Variants in RETREG1 observed in about 807,000 individuals in gnomAD.
RETREG1 encodes the protein family with sequence similarity 134 member B.
A neutral mutation model predicts 54.8 loss-of-function variants in RETREG1; 44 were observed. The observed-to-expected ratio is 0.80, with a 90% CI of 0.63 to 1.03. The LOEUF is 1.03. Ranked by LOEUF, RETREG1 falls within the 50% of genes least tolerant of loss-of-function variation. RETREG1 has a pLI of 0.00. For missense variants in RETREG1, 554 were observed against 605.1 expected (o/e 0.92, Z 0.89); for synonymous variants, 217 against 238.5 (o/e 0.91, Z 0.83).
intron 3 of RETREG1, among the ~76,000 whole-genome samples, chr5:16,490,935 C>G (rs562357356): frequency 2.0e-5 from 3 of 152,190 alleles, no homozygotes; most frequent in African/African-American, 7.2e-5. Context: ...ACTCCTTGGT[C>G]CTAAGGCATC....
At chr5:16,485,640 C>T (rs959011584) in intron 3 of RETREG1, among the ~76,000 whole-genome samples, 8 of 152,248 alleles carry the variant, frequency 5.3e-5, no homozygotes, top group Admixed American at 1.3e-4. Flanking sequence ...TAGTATAATA[C>T]TAAATTGTCA....
intron 3 of RETREG1, among the ~76,000 whole-genome samples, chr5:16,529,829 C>T (rs1371551798): frequency 6.6e-6 from 1 of 152,110 alleles, no homozygotes; most frequent in African/African-American, 2.4e-5. Context: ...ACATAAGTAC[C>T]ACGCTCAGGC....
intron 1 of RETREG1, among the ~76,000 whole-genome samples, chr5:16,590,245 C>T (rs945967673): frequency 1.4e-4 from 21 of 152,192 alleles, no homozygotes; most frequent in Non-Finnish European, 2.4e-4. Context: ...GCCCCTCACA[C>T]TCACAGGTCA....
intron 3 of RETREG1, among the ~76,000 whole-genome samples, chr5:16,523,351 G>A (rs1395526104): frequency 6.6e-6 from 1 of 152,132 alleles, no homozygotes; most frequent in Non-Finnish European, 1.5e-5. Flanking sequence ...TGGTCTATGA[G>A]AATGGCCTGG....
chr5:16,480,592 G>T (rs1738725233), intron 5 of RETREG1, among the ~76,000 whole-genome samples: 1 of 152,064 alleles, frequency 6.6e-6, no homozygotes, highest in Non-Finnish European at 1.5e-5. Context: ...CACTTGCTCT[G>T]CATCCCTCCT....
At chr5:16,526,464 G>A (rs1048670541) in intron 3 of RETREG1, among the ~76,000 whole-genome samples, 1 of 152,200 alleles carries the variant, frequency 6.6e-6, no homozygotes, top group Non-Finnish European at 1.5e-5. Context: ...CATTACATGG[G>A]AAAAGGTGGA....
chr5:16,551,729 T>C (rs1741547289), intron 3 of RETREG1, among the ~76,000 whole-genome samples: 1 of 152,200 alleles, frequency 6.6e-6, no homozygotes, highest in Admixed American at 6.5e-5. Flanking sequence ...ATTAGTTTCC[T>C]ATTCCTGCTG....
At chr5:16,519,807 T>C (rs1018187449) in intron 3 of RETREG1, among the ~76,000 whole-genome samples, 1 of 152,194 alleles carries the variant, frequency 6.6e-6, no homozygotes, top group Non-Finnish European at 1.5e-5. Flanking sequence ...AGGCCACAAA[T>C]TGTAAGGTCA....
At chr5:16,609,507 T>A (rs1743281979) in intron 1 of RETREG1, among the ~76,000 whole-genome samples, 1 of 152,140 alleles carries the variant, frequency 6.6e-6, no homozygotes. Context: ...TCAACTGTAG[T>A]AAAGAAATTC....
At chr5:16,558,104 G>A (rs1354718213) in intron 3 of RETREG1, among the ~76,000 whole-genome samples, 2 of 152,050 alleles carry the variant, frequency 1.3e-5, no homozygotes, top group Admixed American at 1.3e-4. Context: ...AAAAATAAAA[G>A]TGAGTTGGAG....
chr5:16,509,211 G>T, intron 3 of RETREG1: 1 of 179,780 alleles, frequency 5.6e-6, no homozygotes, highest in Non-Finnish European at 1.1e-5. Context: ...TTTGTTTGGA[G>T]AACGCCTAGC....
rs918125891 is a variant in RETREG1 at position 16,495,902 on chromosome 5, G to A, written c.459-12430C>T. Among the ~76,000 whole-genome samples, 6 of 152,104 alleles carry A rather than the reference G, an allele frequency of 3.9e-5. No individual in the cohort carries two copies. In the South Asian group the frequency reaches 8.3e-4, roughly 21 times the overall value. On this transcript the variant is annotated intron_variant, in intron 3 of 8. Transcript: ENST00000306320. ...CTAGCAGTCCACCCCTGTGGTATTC[G>A]ATTCAATCCAATAAATCTTCACTTA... is the stretch of plus-strand genomic sequence containing the variant.
intron 1 of RETREG1, among the ~76,000 whole-genome samples, chr5:16,581,837 A>G (rs1579705802): frequency 6.6e-6 from 1 of 152,140 alleles, no homozygotes; most frequent in South Asian, 2.1e-4. Context: ...CTTTTAAAAT[A>G]TTTTATTTTA....
intron 3 of RETREG1, among the ~76,000 whole-genome samples, chr5:16,565,449 C>T (rs1175877807): frequency 1.3e-5 from 2 of 152,140 alleles, no homozygotes; most frequent in African/African-American, 4.8e-5. Flanking sequence ...TTGTTCACAT[C>T]CCAAAAATGA....
intron 3 of RETREG1, among the ~76,000 whole-genome samples, chr5:16,532,238 T>G (rs1740937510): frequency 1.3e-5 from 2 of 152,166 alleles, no homozygotes; most frequent in Non-Finnish European, 2.9e-5. Context: ...TTCAAAAAGT[T>G]TTCCTGGGCT....
chr5:16,571,968 C>A, intron 2 of RETREG1, 28 bp downstream of exon 2: 1 of 1,514,304 alleles, frequency 6.6e-7, no homozygotes, highest in East Asian at 2.3e-5. Flanking sequence ...AATTAAATAC[C>A]ATATAAATAA....
At chr5:16,587,433 G>C (rs909150339) in intron 1 of RETREG1, among the ~76,000 whole-genome samples, 1 of 152,128 alleles carries the variant, frequency 6.6e-6, no homozygotes, top group Non-Finnish European at 1.5e-5. Flanking sequence ...AGAGTCCACC[G>C]CTCCATTTAA....
chr5:16,587,263 C>T (rs1742648346), intron 1 of RETREG1, among the ~76,000 whole-genome samples: 1 of 152,188 alleles, frequency 6.6e-6, no homozygotes, highest in Admixed American at 6.5e-5. Flanking sequence ...GTAATCAAAG[C>T]CCACCTTAGC....
chr5:16,556,833 C>A (rs897735068), intron 3 of RETREG1, among the ~76,000 whole-genome samples: 1 of 152,044 alleles, frequency 6.6e-6, no homozygotes, highest in African/African-American at 2.4e-5. Context: ...CCTCTTGTTT[C>A]ATTTTATTTT....
Sources: allele counts gnomAD v4.1 joint callset (sites outside exome capture counted in the v4.1 genomes callset), GRCh38; gene constraint gnomAD v4.1.1; transcripts MANE v1.5; gene names NCBI Gene and HGNC (gene_info 2026-07-23, HGNC 2026-07-21).